MYO18A: variants seen among roughly 807,000 people sequenced by gnomAD.
MYO18A encodes unconventional myosin-XVIIIa.
A neutral mutation model predicts 235.8 loss-of-function variants in MYO18A; 78 were observed. That is an observed-to-expected ratio of 0.33 (90% CI 0.28 to 0.40). The LOEUF (loss-of-function observed/expected upper bound fraction) is 0.40, where lower values mean the gene tolerates loss of function less well. Ranked by LOEUF, MYO18A falls within the 10% of genes least tolerant of loss-of-function variation. The probability of loss-of-function intolerance (pLI) is 1.00; values close to 1 mark genes in which losing one functional copy is unlikely to be tolerated. For missense variants in MYO18A, 2,215 were observed against 2,699.3 expected (o/e 0.82, Z 3.98); for synonymous variants, 977 against 1,077.8 (o/e 0.91, Z 1.83).
intron 21 of MYO18A, among the ~76,000 whole-genome samples, chr17:29,103,347 C>G (rs1012619132): frequency 3.9e-5 from 6 of 152,364 alleles, no homozygotes; most frequent in African/African-American, 1.4e-4. Context: ...CAGAGGTGTT[C>G]CACTGAACAA....
chr17:29,146,345 GAC>G (rs2067849772), intron 2 of MYO18A, among the ~76,000 whole-genome samples: 1 of 152,206 alleles, frequency 6.6e-6, no homozygotes, highest in Non-Finnish European at 1.5e-5. Context: ...AGAAATGTAT[GAC>G]ACATATAGGA....
chr17:29,106,990 C>G lies in MYO18A; in HGVS notation c.3441+90G>C. 1.6e-6 allele frequency: 2 copies of G among 1,286,220 alleles called. No homozygotes were observed. The highest frequency in any genetic ancestry group is 1.2e-5 in the South Asian group (1 of 81,760). 79.7% of individuals were successfully genotyped at this position (1,286,220 alleles called of 1,614,324 possible). ...GCCTGAGCAGGGCCAGATGAGCTGT[C>G]TCCAGGGAAGGGAAGGCAGATGAGT... On this transcript the variant is annotated intron_variant, in intron 20 of 41. Transcript: ENST00000527372. The surrounding 1 kb of genome is among the most constrained non-coding windows in gnomAD (Gnocchi z 4.6).
intron 1 of MYO18A, among the ~76,000 whole-genome samples, chr17:29,175,675 T>A (rs1023086908): frequency 4.0e-5 from 6 of 151,004 alleles, no homozygotes; most frequent in African/African-American, 7.3e-5. Flanking sequence ...ACTACAGAAA[T>A]TTTTTAAATA....
chr17:29,120,946 C>G lies in MYO18A; in HGVS notation c.1585+52G>C. The G allele has an allele frequency of 6.3e-7, 1 of 1,576,266 alleles. No individual in the cohort carries two copies. The highest frequency in any genetic ancestry group is 8.6e-7 in the Non-Finnish European group (1 of 1,159,502). On this transcript the variant is annotated intron_variant, in intron 6 of 41. Transcript: ENST00000527372. The surrounding 1 kb of genome is among the most constrained non-coding windows in gnomAD (Gnocchi z 4.2). ...GGCACTTAAGAGGGTGCTCTCTCCT[C>G]ACTCCCCTCCCCTCACCCCACTTTC...
intron 31 of MYO18A, 29 bp from the exon 32 acceptor site, chr17:29,093,456 C>T (rs762718221): frequency 1.6e-5 from 26 of 1,576,586 alleles, no homozygotes; most frequent in Non-Finnish European, 2.2e-5. Context: ...AGAGACCCGT[C>T]CGTCCCTTTA....
intron 41 of MYO18A, among the ~76,000 whole-genome samples, chr17:29,081,614 G>A (rs1438375852): frequency 1.4e-5 from 2 of 143,952 alleles, no homozygotes; most frequent in Non-Finnish European, 3.0e-5. Flanking sequence ...ATGTTGTGGG[G>A]GCAGCAGGGA....
At chr17:29,089,391 A>G (rs1242047957) in intron 37 of MYO18A, among the ~76,000 whole-genome samples, 1 of 129,512 alleles carries the variant, frequency 7.7e-6, no homozygotes, top group East Asian at 2.8e-4. Context: ...ACTGCACTCA[A>G]GCCTGGCGAC....
At chr17:29,154,373 C>T (rs58420842) in intron 2 of MYO18A, among the ~76,000 whole-genome samples, 28,280 of 151,992 alleles carry the variant, frequency 0.19, 2,656 homozygotes, top group East Asian at 0.3. Context: ...TAGGAGAAGG[C>T]TTCATTCCTG....
At position 29,071,752 on chromosome 17, in the gene MYO18A, C is replaced by G. The variant is rs1420617086; in HGVS notation, c.*3018G>C. The G allele has an allele frequency of 6.6e-6, 1 of 152,218 alleles. No homozygotes were observed. Among genetic ancestry groups the G allele is most frequent in the African/African-American group, 2.4e-5 (1 of 41,426 alleles). 9.4% of individuals were successfully genotyped at this position (152,218 alleles called of 1,614,324 possible). A position where few individuals can be genotyped will look rare whatever the true frequency, so the allele number is the denominator to read the frequency against. Reference sequence around the variant, plus strand: ...GTAATTATTTCCACATGGGTCTGCTCCAGCCCTCGTCCGCAAAACCCTGGA... The same window carrying G: ...GTAATTATTTCCACATGGGTCTGCTGCAGCCCTCGTCCGCAAAACCCTGGA... On this transcript the variant is annotated 3_prime_UTR_variant, in exon 42 of 42. Transcript: ENST00000527372.
Position 29,166,076 on chromosome 17 carries a change from T to C in MYO18A, c.865A>G (p.Arg289Gly). ...CGGATCATCTCCACAATCTCATCCC[T>C]GGACTTGCTCTCCACATTGTGCCCA... Reference protein sequence around the residue: ...INGHNVESKSRDEIVEMIRQS... With the variant: ...INGHNVESKSGDEIVEMIRQS... The change falls in exon 2 of 42, where the codon AGG (arginine) becomes GGG (glycine). Residue 289 changes from arginine (R) to glycine (G), a missense_variant. Physicochemically the swap from Arg to Gly is moderately radical, Grantham distance 125. Coordinates refer to ENST00000527372, the MANE Select transcript of MYO18A (RefSeq NM_078471.4). 6.2e-7 allele frequency: 1 copy of C among 1,613,738 alleles called. No homozygotes were observed.
At position 29,096,790 on chromosome 17, in the gene MYO18A, G is replaced by T; in HGVS notation, c.4356C>A (p.Arg1452=). ...TCTGCTTCTTCTCCAGTTCGTGGTT[G>T]CGGACCTGCTGGCCCTCCAGGTGCA... ...TKLHLEGQQV[R]NHELEKKQRR... is the part of the protein sequence containing the mutation. Residue 1452 remains arginine (R), a synonymous_variant, in exon 28 of 42, where the codon CGC becomes CGA. Transcript: ENST00000527372. 6.2e-7 allele frequency: 1 copy of T among 1,606,666 alleles called. No individual in the cohort carries two copies. The highest frequency in any genetic ancestry group is 1.7e-5 in the Admixed American group (1 of 59,272).
chr17:29,113,793 G>A (rs528252544), intron 15 of MYO18A, among the ~76,000 whole-genome samples: 5 of 152,166 alleles, frequency 3.3e-5, no homozygotes, highest in Non-Finnish European at 5.9e-5. Context: ...GGGCACCAGG[G>A]CAGAAGAAAG....
chr17:29,092,361 G>T lies in MYO18A; in HGVS notation c.5169C>A (p.Ile1723=). 6.2e-7 allele frequency: 1 copy of T among 1,610,954 alleles called. No individual in the cohort carries two copies. The highest frequency in any genetic ancestry group is 8.5e-7 in the Non-Finnish European group (1 of 1,179,748). Reference sequence around the variant, plus strand: ...CCCTCACCGCTGTCTTGGCTTTGGCGATGTCATCAATCTGCAGGTGCAGGT... The same window carrying T: ...CCCTCACCGCTGTCTTGGCTTTGGCTATGTCATCAATCTGCAGGTGCAGGT... The part of the protein sequence containing the change: ...IEDLHLQIDD[I]AKAKTALEEQ... Residue 1723 remains isoleucine, a synonymous_variant, in exon 34 of 42, where the codon ATC becomes ATA. Transcript: ENST00000527372.
At position 29,115,404 on chromosome 17, in the gene MYO18A, C is replaced by T. The variant is rs1269429288; in HGVS notation, c.2265G>A (p.Met755Ile). The change falls in exon 13 of 42, where the codon ATG becomes ATA. Residue 755 changes from methionine to isoleucine, a missense_variant. Physicochemically the swap from Met to Ile is conservative, Grantham distance 10. Coordinates refer to ENST00000527372, the MANE Select transcript of MYO18A (RefSeq NM_078471.4). ...KLSALECLEG[M>I]AAGLYSELFT... The stretch of plus-strand genomic sequence containing the variant: ...AGAGCTCGCTGTAGAGGCCGGCCGC[C>T]ATGCCCTCAAGGCACTCCAGTGCAC... The T allele has an allele frequency of 6.2e-7, 1 of 1,613,960 alleles. No individual in the cohort carries two copies. The highest frequency in any genetic ancestry group is 8.5e-7 in the Non-Finnish European group (1 of 1,179,866).
chr17:29,128,680 C>A, intron 2 of MYO18A: 1 of 626,442 alleles, frequency 1.6e-6, no homozygotes, highest in Non-Finnish European at 2.3e-6. Flanking sequence ...CACATGGCTC[C>A]ACGAGGCTAC....
Position 29,090,192 on chromosome 17 carries a change from G to A in MYO18A, c.5389-94C>T, listed in dbSNP as rs1172159627. 14 of 1,391,862 alleles carry A rather than the reference G, an allele frequency of 1.0e-5. No individual in the cohort carries two copies. The Admixed American group carries it at 2.3e-4, about 22-fold the overall frequency. 86.2% of individuals were successfully genotyped at this position (1,391,862 alleles called of 1,614,324 possible). ...GGCAATATCACCACAGTGACCAGAAGGCAAGGGGAGGGAGGGATGCACCTG... is the reference window on the plus strand; with the variant it reads ...GGCAATATCACCACAGTGACCAGAAAGCAAGGGGAGGGAGGGATGCACCTG... On this transcript the variant is annotated intron_variant, in intron 36 of 41. Coordinates refer to ENST00000527372, the MANE Select transcript of MYO18A (RefSeq NM_078471.4).
intron 2 of MYO18A, among the ~76,000 whole-genome samples, chr17:29,147,289 G>A (rs1598377331): frequency 6.6e-6 from 1 of 152,266 alleles, no homozygotes; most frequent in East Asian, 1.9e-4. Flanking sequence ...GGCCGAGGAA[G>A]GCAGATTGCT....
At chr17:29,114,393 T>A in intron 14 of MYO18A, 1 of 370,088 alleles carries the variant, frequency 2.7e-6, no homozygotes, top group Non-Finnish European at 4.9e-6. Context: ...CAATCATCCT[T>A]GAAACACTTG....
chr17:29,074,690 G>A lies in MYO18A; in HGVS notation c.*80C>T, dbSNP rs561007653. On this transcript the variant is annotated 3_prime_UTR_variant, in exon 42 of 42. Coordinates refer to ENST00000527372, the MANE Select transcript of MYO18A (RefSeq NM_078471.4). The surrounding 1 kb of genome is among the most constrained non-coding windows in gnomAD (Gnocchi z 4.4). ...GATCAGCAGTCGGGTGGGGGAGACC[G>A]GTGCCCCACCACTTCCTGGGAGAGG... 1.7e-4 allele frequency: 256 copies of A among 1,493,802 alleles called. 4 individuals carry two copies. In the South Asian group the frequency reaches 2.7e-3, roughly 16 times the overall value. 92.5% of individuals were successfully genotyped at this position (1,493,802 alleles called of 1,614,324 possible). A position where few individuals can be genotyped will look rare whatever the true frequency, so the allele number is the denominator to read the frequency against.
Sources: gnomAD v4.1 joint callset for allele counts (sites outside exome capture counted in the v4.1 genomes callset) on GRCh38, gnomAD v4.1.1 for gene constraint, Gnocchi (gnomAD v3.1) non-coding constraint, MANE v1.5 for transcripts, NCBI Gene and HGNC (gene_info 2026-07-23, HGNC 2026-07-21) for gene names.